PTPRM: variants seen among roughly 807,000 people sequenced by gnomAD.
The protein encoded by PTPRM is receptor-type tyrosine-protein phosphatase mu.
A neutral mutation model predicts 186.7 loss-of-function variants in PTPRM; 47 were observed. That is an observed-to-expected ratio of 0.25 (90% CI 0.20 to 0.32). The LOEUF (loss-of-function observed/expected upper bound fraction) is 0.32. Ranked by LOEUF, PTPRM falls within the 10% of genes least tolerant of loss-of-function variation. The pLI is 1.00. For missense variants in PTPRM, 1,494 were observed against 1,865.0 expected (o/e 0.80, Z 3.66); for synonymous variants, 668 against 674.9 (o/e 0.99, Z 0.16).
intron 8 of PTPRM, among the ~76,000 whole-genome samples, chr18:8,073,962 C>T (rs2089647952): frequency 6.6e-6 from 1 of 152,084 alleles, no homozygotes; most frequent in African/African-American, 2.4e-5. Flanking sequence ...CAAATGTGAC[C>T]TAAAGAGGTT....
At chr18:8,364,354 CAG>C (rs1425216875) in intron 23 of PTPRM, among the ~76,000 whole-genome samples, 1 of 152,062 alleles carries the variant, frequency 6.6e-6, no homozygotes, top group Non-Finnish European at 1.5e-5. Flanking sequence ...GACTGAGGCT[CAG>C]GGGGTGTAAG....
At chr18:8,292,949 G>A in intron 19 of PTPRM, among the ~76,000 whole-genome samples, 1 of 152,168 alleles carries the variant, frequency 6.6e-6, no homozygotes, top group East Asian at 1.9e-4. Flanking sequence ...AAAAGCAGTG[G>A]ATAAAGAGTC....
intron 14 of PTPRM, among the ~76,000 whole-genome samples, chr18:8,226,759 A>G (rs1051913320): frequency 6.6e-6 from 1 of 152,254 alleles, no homozygotes; most frequent in African/African-American, 2.4e-5. Flanking sequence ...ATAGTTGAGT[A>G]GGTTAGAAGT....
At chr18:7,998,397 C>G (rs908748049) in intron 7 of PTPRM, among the ~76,000 whole-genome samples, 7 of 151,902 alleles carry the variant, frequency 4.6e-5, no homozygotes, top group South Asian at 2.1e-4. Flanking sequence ...GTTGGAAGCC[C>G]CAATTACCCT....
At chr18:7,733,539 T>C (rs1367617500) in intron 1 of PTPRM, among the ~76,000 whole-genome samples, 2 of 152,200 alleles carry the variant, frequency 1.3e-5, no homozygotes, top group Non-Finnish European at 2.9e-5. Context: ...AGTGCTGCAG[T>C]AAACATACGT....
intron 14 of PTPRM, among the ~76,000 whole-genome samples, chr18:8,156,134 A>G (rs114402936): frequency 0.015 from 2,218 of 152,266 alleles, 48 homozygotes; most frequent in African/African-American, 0.051. Context: ...TACAAGGGTA[A>G]GTTGAACAAA....
At chr18:7,783,654 A>G (rs1361917949) in intron 2 of PTPRM, among the ~76,000 whole-genome samples, 1 of 151,910 alleles carries the variant, frequency 6.6e-6, no homozygotes, top group Non-Finnish European at 1.5e-5. Context: ...TCACTGCAGC[A>G]TCAAACTTGT....
chr18:7,618,876 A>C (rs1383640795), intron 1 of PTPRM, among the ~76,000 whole-genome samples: 2 of 152,254 alleles, frequency 1.3e-5, no homozygotes, highest in African/African-American at 4.8e-5. Flanking sequence ...ATTGAAATGC[A>C]GCAAAGCAAA....
At chr18:8,141,088 A>G (rs1427392002) in intron 13 of PTPRM, among the ~76,000 whole-genome samples, 1 of 152,214 alleles carries the variant, frequency 6.6e-6, no homozygotes, top group Admixed American at 6.5e-5. Flanking sequence ...ATCCTATTTA[A>G]GGAGAGCCTA....
chr18:8,402,613 C>T (rs2095878122), intron 32 of PTPRM, among the ~76,000 whole-genome samples: 1 of 151,190 alleles, frequency 6.6e-6, no homozygotes, highest in African/African-American at 2.4e-5. Context: ...TGTAGATTTC[C>T]ATTACAGAAA....
chr18:7,879,804 TC>T (rs1354793051), intron 2 of PTPRM, among the ~76,000 whole-genome samples: 1 of 152,190 alleles, frequency 6.6e-6, no homozygotes, highest in Non-Finnish European at 1.5e-5. Flanking sequence ...TGTAGAATGA[TC>T]CATGCCAGGA....
intron 6 of PTPRM, among the ~76,000 whole-genome samples, chr18:7,951,968 A>T (rs1338167785): frequency 6.6e-6 from 1 of 152,230 alleles, no homozygotes; most frequent in African/African-American, 2.4e-5. Flanking sequence ...AGCCTCCCAA[A>T]TAAAGACCAA....
chr18:7,773,894 G>C (rs1233718152), intron 1 of PTPRM, among the ~76,000 whole-genome samples: 1 of 152,062 alleles, frequency 6.6e-6, no homozygotes, highest in Non-Finnish European at 1.5e-5. Flanking sequence ...CTTACCTTCA[G>C]CTGGCTTCTA....
chr18:7,580,413 C>G (rs1249104081), intron 1 of PTPRM, among the ~76,000 whole-genome samples: 1 of 152,202 alleles, frequency 6.6e-6, no homozygotes, highest in African/African-American at 2.4e-5. Context: ...AAGCTATGCA[C>G]TTAGCATAAG....
intron 7 of PTPRM, among the ~76,000 whole-genome samples, chr18:8,031,291 T>C (rs551666543): frequency 6.6e-6 from 1 of 152,306 alleles, no homozygotes; most frequent in Admixed American, 6.5e-5. Flanking sequence ...AATCAATACT[T>C]TGCAGATAGT....
At chr18:7,812,736 T>C (rs1170527842) in intron 2 of PTPRM, among the ~76,000 whole-genome samples, 1 of 151,898 alleles carries the variant, frequency 6.6e-6, no homozygotes, top group Non-Finnish European at 1.5e-5. Context: ...TTTTTTTTTT[T>C]CTTTGACAGC....
chr18:8,167,753 C>A (rs117662599), intron 14 of PTPRM, among the ~76,000 whole-genome samples: 1 of 152,224 alleles, frequency 6.6e-6, no homozygotes, highest in East Asian at 1.9e-4. Flanking sequence ...ACCCTTCCTT[C>A]AGAAACAGAC....
At chr18:8,164,975 C>T (rs183779568) in intron 14 of PTPRM, among the ~76,000 whole-genome samples, 127 of 152,076 alleles carry the variant, frequency 8.4e-4, no homozygotes, top group African/African-American at 2.8e-3. Context: ...CCATCCTGGC[C>T]ATCCTGGTTG....
intron 7 of PTPRM, among the ~76,000 whole-genome samples, chr18:8,013,587 A>C (rs2084675032): frequency 1.3e-5 from 2 of 152,154 alleles, no homozygotes; most frequent in African/African-American, 4.8e-5. Flanking sequence ...TGGCTGTCTC[A>C]GGTGCCAGAG....
Sources: allele counts gnomAD v4.1 joint callset (sites outside exome capture counted in the v4.1 genomes callset), GRCh38; gene constraint gnomAD v4.1.1; transcripts MANE v1.5; gene names NCBI Gene and HGNC (gene_info 2026-07-23, HGNC 2026-07-21).